TRPM7: variants seen among roughly 807,000 people sequenced by gnomAD.
TRPM7 encodes the protein transient receptor potential cation channel subfamily M member 7.
In TRPM7, 134 loss-of-function variants were observed where a neutral mutation model predicts 229.7. That is an observed-to-expected ratio of 0.58 (90% confidence interval 0.51 to 0.67). The LOEUF is 0.67. Among genes scored for constraint, TRPM7 ranks in the 30% least tolerant of loss-of-function variants. The pLI, the probability that TRPM7 is intolerant of heterozygous loss-of-function variation, is 0.00. For synonymous variants in TRPM7, 699 were observed against 715.2 expected (o/e 0.98, Z 0.36); for missense variants, 1,901 against 2,210.0 (o/e 0.86, Z 2.80).
At chr15:50,646,152 G>C (rs1387969063) in intron 4 of TRPM7, among the ~76,000 whole-genome samples, 1 of 151,960 alleles carries the variant, frequency 6.6e-6, no homozygotes, top group African/African-American at 2.4e-5. Context: ...CAAAGGCAGT[G>C]AGAATTTGTA....
chr15:50,668,515 T>C (rs960559685), intron 1 of TRPM7, among the ~76,000 whole-genome samples: 10 of 152,174 alleles, frequency 6.6e-5, no homozygotes, highest in African/African-American at 2.4e-4. Context: ...TTTTTGTTTT[T>C]TGTTTTTTGA....
intron 13 of TRPM7, 100 bp from the exon 14 acceptor site, chr15:50,614,363 T>TA (rs1181246222): frequency 3.5e-6 from 4 of 1,142,558 alleles, no homozygotes; most frequent in Admixed American, 5.5e-5. Flanking sequence ...GACAAATGTT[T>TA]ACTTCTTATA....
At chr15:50,583,608 C>T (rs1017431184) in intron 28 of TRPM7, among the ~76,000 whole-genome samples, 2 of 144,668 alleles carry the variant, frequency 1.4e-5, no homozygotes, top group Non-Finnish European at 3.0e-5. Flanking sequence ...CAGAGTTTCA[C>T]TCTTGTTGCC....
intron 27 of TRPM7, among the ~76,000 whole-genome samples, chr15:50,589,280 C>T (rs532676570): frequency 7.2e-6 from 1 of 139,844 alleles, no homozygotes; most frequent in Non-Finnish European, 1.5e-5. Flanking sequence ...GGAGATCACA[C>T]CACTGTACTC....
chr15:50,565,407 G>A (rs1300548044), intron 38 of TRPM7, among the ~76,000 whole-genome samples: 1 of 151,922 alleles, frequency 6.6e-6, no homozygotes, highest in East Asian at 1.9e-4. Flanking sequence ...ACTGGCAAAA[G>A]GTATATGATG....
intron 21 of TRPM7, 137 bp from the exon 22 acceptor site, chr15:50,599,433 G>C: frequency 1.8e-6 from 1 of 546,338 alleles, no homozygotes; most frequent in Non-Finnish European, 3.1e-6. Context: ...TTTGTTCCTA[G>C]TGATAGCTTT....
In TRPM7 at chr15:50,609,694, T is replaced by C. The variant is rs1285364596; in HGVS notation, c.2467A>G (p.Ser823Gly). The change falls in exon 19 of 39, where the codon AGT becomes GGT. Residue 823 changes from serine to glycine, a missense_variant. By Grantham distance (56) the Ser-to-Gly change is moderately conservative. Transcript: ENST00000646667. ...TCCATCTCATTCTTTCCTTCATTAC[T>C]ATCCAAAATCCGTACTTCTTTAAAC... ...EVFKEVRILD[S>G]NEGKNEMEIQ... The C allele has an allele frequency of 3.7e-6, 6 of 1,604,570 alleles. No homozygotes were observed. The highest frequency in any genetic ancestry group is 5.1e-6 in the Non-Finnish European group (6 of 1,176,432).
intron 1 of TRPM7, among the ~76,000 whole-genome samples, chr15:50,678,920 C>G (rs1382339881): frequency 6.6e-6 from 1 of 152,150 alleles, no homozygotes; most frequent in Non-Finnish European, 1.5e-5. Context: ...GTCACCCAGG[C>G]TGGAGTGCAA....
At chr15:50,623,135 C>A (rs916814456) in intron 12 of TRPM7, among the ~76,000 whole-genome samples, 1 of 151,246 alleles carries the variant, frequency 6.6e-6, no homozygotes, top group African/African-American at 2.4e-5. Context: ...CATTTTTGGC[C>A]GGGTGCAGTG....
At chr15:50,631,590 T>A in intron 9 of TRPM7, 101 bp from the exon 10 acceptor site, 1 of 621,256 alleles carries the variant, frequency 1.6e-6, no homozygotes, top group South Asian at 2.3e-5. Flanking sequence ...AAAATATATA[T>A]GTATGTATCT....
chr15:50,599,776 C>T (rs1038558207), intron 21 of TRPM7: 1 of 152,282 alleles, frequency 6.6e-6, no homozygotes, highest in Non-Finnish European at 1.5e-5. Flanking sequence ...CACCCTGAAT[C>T]CATGGGTGCC....
chr15:50,685,822 A>C (rs2062346845), intron 1 of TRPM7, among the ~76,000 whole-genome samples: 1 of 152,096 alleles, frequency 6.6e-6, no homozygotes, highest in African/African-American at 2.4e-5. Flanking sequence ...AACACGATCA[A>C]CTGTTCTCTG....
chr15:50,608,843 G>C (rs961092175), intron 19 of TRPM7, among the ~76,000 whole-genome samples: 4 of 152,184 alleles, frequency 2.6e-5, no homozygotes, highest in African/African-American at 9.6e-5. Flanking sequence ...AAAAGTAGGG[G>C]CTAATCTCAT....
intron 28 of TRPM7, 98 bp downstream of exon 28, chr15:50,586,294 T>C (rs1239673061): frequency 2.6e-6 from 2 of 766,020 alleles, no homozygotes; most frequent in African/African-American, 1.7e-5. Context: ...TTCTGACTCC[T>C]GCACCATTCA....
At chr15:50,597,406 A>C (rs142200768) in intron 22 of TRPM7, among the ~76,000 whole-genome samples, 233 of 152,376 alleles carry the variant, frequency 1.5e-3, no homozygotes, top group African/African-American at 5.4e-3. Flanking sequence ...ATATGCATCA[A>C]TGACATTCAT....
At position 50,612,575 on chromosome 15, in the gene TRPM7, A is replaced by G; in HGVS notation, c.2025T>C (p.Thr675=). The change falls in exon 16 of 39, where the codon ACT becomes ACC. Residue 675 remains threonine (T), a synonymous_variant. Coordinates refer to ENST00000646667, the MANE Select transcript of TRPM7 (RefSeq NM_017672.6). ...EAKQSDLVDD[T]SEELKQYSND... ...TGGAATACTGTTTTAGTTCTTCTGA[A>G]GTATCATCTACCAGGTCACTCTGCT... is the stretch of plus-strand genomic sequence containing the variant. 3 of 1,612,496 alleles carry G rather than the reference A, an allele frequency of 1.9e-6. No homozygotes were observed. Among genetic ancestry groups the G allele is most frequent in the Non-Finnish European group, 2.5e-6 (3 of 1,179,040 alleles).
intron 38 of TRPM7, among the ~76,000 whole-genome samples, chr15:50,562,923 G>T (rs2053391076): frequency 6.6e-6 from 1 of 152,134 alleles, no homozygotes; most frequent in Non-Finnish European, 1.5e-5. Context: ...ATTGAGAAGT[G>T]AACTATCAAA....
At chr15:50,668,034 A>C (rs2061920933) in intron 1 of TRPM7, among the ~76,000 whole-genome samples, 1 of 152,220 alleles carries the variant, frequency 6.6e-6, no homozygotes, top group Non-Finnish European at 1.5e-5. Flanking sequence ...AAGGTAACCA[A>C]AATTCTTTGT....
intron 28 of TRPM7, among the ~76,000 whole-genome samples, chr15:50,583,580 G>GTTT (rs3077872): frequency 0.16 from 22,066 of 136,546 alleles, 2,120 homozygotes; most frequent in Admixed American, 0.29. Context: ...TTAGAGTTTT[G>GTTT]TTTTTTTTTT....
Sources: allele counts gnomAD v4.1 joint callset (sites outside exome capture counted in the v4.1 genomes callset), GRCh38; gene constraint gnomAD v4.1.1; transcripts MANE v1.5; gene names NCBI Gene and HGNC (gene_info 2026-07-23, HGNC 2026-07-21).